THADA: variants seen among roughly 807,000 people sequenced by gnomAD.
THADA encodes tRNA (32-2'-O)-methyltransferase regulator THADA.
A neutral mutation model predicts 219.8 loss-of-function variants in THADA; 213 were observed. The observed-to-expected ratio is 0.97, with a 90% CI of 0.87 to 1.09. The LOEUF is 1.09. Ranked by LOEUF, THADA falls within the 50% of genes least tolerant of loss-of-function variation. The pLI, the probability that THADA is intolerant of heterozygous loss-of-function variation, is 0.00. For synonymous variants in THADA, 1,018 were observed against 828.9 expected (o/e 1.23, Z -3.92); for missense variants, 2,956 against 2,311.3 (o/e 1.28, Z -5.72).
intron 26 of THADA, among the ~76,000 whole-genome samples, chr2:43,484,829 G>C (rs1399343040): frequency 6.6e-6 from 1 of 151,204 alleles, no homozygotes. Flanking sequence ...TCTAATGAGA[G>C]GATCATAAAC....
rs80045650 is a variant in THADA at position 43,376,023 on chromosome 2, T to C, written c.4227+21948A>G. ...GGCCCCTGAAGCCAGATAAACATTGTGAAACCCTCAGAGCCAATATTTACA... is the reference window on the plus strand; with the variant it reads ...GGCCCCTGAAGCCAGATAAACATTGCGAAACCCTCAGAGCCAATATTTACA... On this transcript the variant is annotated intron_variant, in intron 29 of 37. Coordinates refer to ENST00000405975, the MANE Select transcript of THADA (RefSeq NM_022065.5). Among the ~76,000 whole-genome samples, 3 of 152,194 alleles carry C rather than the reference T, an allele frequency of 2.0e-5. No homozygotes were observed. The East Asian group carries it at 5.8e-4, about 29-fold the overall frequency.
chr2:43,283,122 C>T (rs1673560759), intron 35 of THADA, among the ~76,000 whole-genome samples: 1 of 152,206 alleles, frequency 6.6e-6, no homozygotes, highest in East Asian at 1.9e-4. Flanking sequence ...CTCTGACTCT[C>T]CTGCTCTGCC....
At chr2:43,532,693 A>C (rs1694041880) in intron 21 of THADA, among the ~76,000 whole-genome samples, 1 of 152,210 alleles carries the variant, frequency 6.6e-6, no homozygotes, top group Admixed American at 6.5e-5. Context: ...AACCGGCACA[A>C]GACAAGTATG....
chr2:43,347,812 A>G (rs1284689433), intron 29 of THADA, among the ~76,000 whole-genome samples: 1 of 152,230 alleles, frequency 6.6e-6, no homozygotes, highest in Non-Finnish European at 1.5e-5. Flanking sequence ...GGGTGTGCAC[A>G]GGGTGGTGGC....
chr2:43,285,967 T>A (rs1359226495), intron 35 of THADA, among the ~76,000 whole-genome samples: 1 of 152,188 alleles, frequency 6.6e-6, no homozygotes, highest in Non-Finnish European at 1.5e-5. Flanking sequence ...TAGAAGTCAT[T>A]CTTGAATTTT....
chr2:43,554,369 G>A (rs955037392), intron 17 of THADA, among the ~76,000 whole-genome samples: 4 of 152,054 alleles, frequency 2.6e-5, no homozygotes, highest in Non-Finnish European at 4.4e-5. Context: ...TCCCCTCAAC[G>A]CCTTGGAAGG....
At chr2:43,279,983 G>T in intron 35 of THADA, 87 bp from the exon 36 acceptor site, 1 of 1,294,268 alleles carries the variant, frequency 7.7e-7, no homozygotes, top group Non-Finnish European at 1.0e-6. Context: ...GTGGAAGAGA[G>T]GAGCATTGAA....
chr2:43,574,945 T>G lies in THADA; in HGVS notation c.1120A>C (p.Ser374Arg), dbSNP rs756243212. 6.2e-7 allele frequency: 1 copy of G among 1,614,040 alleles called. No individual in the cohort carries two copies. The highest frequency in any genetic ancestry group is 1.6e-4 in the Middle Eastern group (1 of 6,062). ...AGGCTGTCCGTTAGGCTCGGGGAAC[T>G]TGATTCAAGGACTTGTATGGCTGAA... is the stretch of plus-strand genomic sequence containing the variant. ...TNSAIQVLES[S>R]SPSLTDSLNG... Residue 374 changes from serine to arginine, a missense_variant, in exon 11 of 38, where the codon AGT becomes CGT. Transcript: ENST00000405975.
At chr2:43,515,419 C>T (rs1363242988) in intron 22 of THADA, among the ~76,000 whole-genome samples, 1 of 93,250 alleles carries the variant, frequency 1.1e-5, no homozygotes, top group Admixed American at 1.5e-4. Context: ...TATATACACA[C>T]ACACATATAA....
intron 20 of THADA, among the ~76,000 whole-genome samples, chr2:43,545,598 G>A (rs1047638221): frequency 2.6e-5 from 4 of 152,142 alleles, no homozygotes; most frequent in African/African-American, 9.7e-5. Context: ...TGGTTTAGTC[G>A]TGGGAGGGTG....
At chr2:43,284,925 T>A (rs1428449863) in intron 35 of THADA, among the ~76,000 whole-genome samples, 1 of 152,252 alleles carries the variant, frequency 6.6e-6, no homozygotes, top group Non-Finnish European at 1.5e-5. Flanking sequence ...TAAGATTTAA[T>A]GACTGCCCTG....
intron 26 of THADA, among the ~76,000 whole-genome samples, chr2:43,453,034 G>T (rs1172993394): frequency 1.3e-5 from 2 of 152,054 alleles, no homozygotes; most frequent in Admixed American, 6.6e-5. Context: ...GATGCTTTTT[G>T]TAAGTCTGTG....
chr2:43,566,437 T>C (rs748295718), intron 15 of THADA: 2 of 714,138 alleles, frequency 2.8e-6, no homozygotes, highest in Non-Finnish European at 5.2e-6. Context: ...AGGTAATAGC[T>C]GGAACTCTTT....
chr2:43,397,843 GAA>G, intron 29 of THADA, 126 bp downstream of exon 29: 7 of 855,122 alleles, frequency 8.2e-6, no homozygotes, highest in Admixed American at 2.9e-5. Flanking sequence ...TTCGGAAGTA[GAA>G]AAAAAAAAGT....
chr2:43,296,477 T>C (rs901765104), intron 31 of THADA, among the ~76,000 whole-genome samples: 1 of 151,780 alleles, frequency 6.6e-6, no homozygotes, highest in Non-Finnish European at 1.5e-5. Context: ...GGTTTCACCA[T>C]GTTGCCCAGG....
rs138078898 is a variant in THADA at position 43,582,658 on chromosome 2, C to A, written c.534-730G>T. Among the ~76,000 whole-genome samples, 1,120 of 149,316 alleles carry A rather than the reference C, an allele frequency of 7.5e-3. 15 individuals are homozygous for A. Among genetic ancestry groups the A allele is most frequent in the African/African-American group, 0.027 (1,077 of 40,400 alleles). ...AATCTGGGCTCACTGCAACCTCCAC[C>A]TCCCGGGTTCAAGCGATTCTCCTGC... On this transcript the variant is annotated intron_variant, in intron 7 of 37. Transcript: ENST00000405975.
intron 29 of THADA, among the ~76,000 whole-genome samples, chr2:43,369,213 T>G (rs1670519642): frequency 6.6e-6 from 1 of 152,248 alleles, no homozygotes; most frequent in African/African-American, 2.4e-5. Flanking sequence ...TCTCCCGTTG[T>G]GTCTGCCAAG....
At position 43,296,038 on chromosome 2, in the gene THADA, G is replaced by A. The variant is rs548698859; in HGVS notation, c.4439-2825C>T. Among the ~76,000 whole-genome samples, 288 of 151,174 alleles carry A rather than the reference G, an allele frequency of 1.9e-3. 1 individual carries two copies. The highest frequency in any genetic ancestry group is 3.2e-3 in the Non-Finnish European group (217 of 67,896). The stretch of plus-strand genomic sequence containing the variant: ...GGGTTCAAGTGATTCTCCTGCCTCA[G>A]CCTCCTGAGTAGCTGGGATTACAGG... On this transcript the variant is annotated intron_variant, in intron 31 of 37. Transcript: ENST00000405975.
chr2:43,422,881 G>C (rs1002725264), intron 28 of THADA, among the ~76,000 whole-genome samples: 1 of 152,054 alleles, frequency 6.6e-6, no homozygotes, highest in African/African-American at 2.4e-5. Context: ...CACCAAGTCT[G>C]GCTAATTTTT....
Sources: allele counts gnomAD v4.1 joint callset (sites outside exome capture counted in the v4.1 genomes callset), GRCh38; gene constraint gnomAD v4.1.1; transcripts MANE v1.5; gene names NCBI Gene and HGNC (gene_info 2026-07-23, HGNC 2026-07-21).